Variants in GRIK3 observed in about 807,000 individuals in gnomAD.
The protein encoded by GRIK3 is glutamate ionotropic receptor kainate type subunit 3, also known as glutamate receptor ionotropic, kainate 3.
Under a neutral mutation model 102.5 loss-of-function variants are expected in GRIK3, and 29 were observed. That is an observed-to-expected ratio of 0.28 (90% confidence interval 0.21 to 0.39). GRIK3 has a LOEUF of 0.39. Ranked by LOEUF, GRIK3 falls within the 10% of genes least tolerant of loss-of-function variation. The pLI is 1.00. For synonymous variants in GRIK3, 511 were observed against 504.9 expected (o/e 1.01, Z -0.16); for missense variants, 908 against 1,252.4 (o/e 0.73, Z 4.15).
intron 1 of GRIK3, among the ~76,000 whole-genome samples, chr1:37,031,072 G>A (rs951408686): frequency 2.0e-5 from 3 of 152,120 alleles, no homozygotes; most frequent in African/African-American, 7.2e-5. Context: ...GAGAATCTAT[G>A]CATTAAACTG....
chr1:37,011,768 A>C (rs771114705), intron 1 of GRIK3, among the ~76,000 whole-genome samples: 1 of 152,218 alleles, frequency 6.6e-6, no homozygotes, highest in African/African-American at 2.4e-5. Flanking sequence ...AGTGAATTTC[A>C]GGGAAGACCA....
intron 1 of GRIK3, among the ~76,000 whole-genome samples, chr1:37,004,185 G>A (rs183302994): frequency 3.9e-5 from 6 of 152,058 alleles, no homozygotes; most frequent in African/African-American, 9.7e-5. Context: ...CTTCTGTTTC[G>A]ATCTAATCCC....
At position 36,800,482 on chromosome 1, in the gene GRIK3, C is replaced by T. The variant is rs573334681; in HGVS notation, c.*1369G>A. 1 of 152,492 alleles carries T rather than the reference C, an allele frequency of 6.6e-6. No homozygotes were observed. The highest frequency in any genetic ancestry group is 2.1e-4 in the South Asian group (1 of 4,830). The allele number at this position is 152,492 out of a possible 1,614,324, so 9.4% of individuals were successfully genotyped here. A position where few individuals can be genotyped will look rare whatever the true frequency, so the allele number is the denominator to read the frequency against. ...CTGGCTGGTACCCAACCTGCTGCTA[C>T]TTCTCTGCTGTCTTCCCCAAGCCCC... On this transcript the variant is annotated 3_prime_UTR_variant, in exon 16 of 16. Transcript: ENST00000373091.
At chr1:36,966,303 C>A (rs1372086550) in intron 1 of GRIK3, among the ~76,000 whole-genome samples, 1 of 152,204 alleles carries the variant, frequency 6.6e-6, no homozygotes, top group East Asian at 1.9e-4. Context: ...GGCTATCAGG[C>A]AAGTGTCAGA....
intron 1 of GRIK3, among the ~76,000 whole-genome samples, chr1:36,970,360 G>A (rs183051226): frequency 2.6e-5 from 4 of 152,224 alleles, no homozygotes; most frequent in East Asian, 1.9e-4. Context: ...CTTAAACACC[G>A]GAGTCTGATA....
Position 36,879,886 on chromosome 1 carries a change from G to A in GRIK3, c.550+748C>T, listed in dbSNP as rs142267109. Among the ~76,000 whole-genome samples, 247 of 152,350 alleles carry A rather than the reference G, an allele frequency of 1.6e-3. 3 individuals carry two copies. In the East Asian group the frequency reaches 0.037, roughly 23 times the overall value. ...AGACAACAGCCTGGTGCTGACGTCTGCAAGCTTGGCACTGGCTGGGGTCAG... is the reference window on the plus strand; with the variant it reads ...AGACAACAGCCTGGTGCTGACGTCTACAAGCTTGGCACTGGCTGGGGTCAG... On this transcript the variant is annotated intron_variant, in intron 3 of 15. Coordinates refer to ENST00000373091, the MANE Select transcript of GRIK3 (RefSeq NM_000831.4).
intron 2 of GRIK3, among the ~76,000 whole-genome samples, chr1:36,886,675 A>C (rs373015504): frequency 6.6e-6 from 1 of 152,238 alleles, no homozygotes; most frequent in East Asian, 1.9e-4. Context: ...AAATATAGTA[A>C]AGTGCATTAA....
At chr1:36,878,003 G>A (rs553268851) in intron 3 of GRIK3, among the ~76,000 whole-genome samples, 9 of 152,276 alleles carry the variant, frequency 5.9e-5, no homozygotes, top group African/African-American at 2.2e-4. Flanking sequence ...TTCTTCACCC[G>A]TATACTCTTT....
rs183042704 is a variant in GRIK3 at position 36,806,074 on chromosome 1, C to T, written c.2314+30G>A. The T allele has an allele frequency of 2.5e-4, 376 of 1,528,800 alleles. 4 individuals carry two copies. The East Asian group carries it at 8.3e-3, about 34-fold the overall frequency. The allele number at this position is 1,528,800 out of a possible 1,614,324, so 94.7% of individuals were successfully genotyped here. On this transcript the variant is annotated intron_variant, in intron 14 of 15. Coordinates refer to ENST00000373091, the MANE Select transcript of GRIK3 (RefSeq NM_000831.4). This position sits in a 1 kb window ranked among gnomAD's most constrained non-coding sequence, Gnocchi z 4.0. ...GGAGCCCTCCCTCTGCCCACACACC[C>T]ACCCCTCCCACAGGCAGCCCCTCGC...
At chr1:36,996,860 G>C (rs997483907) in intron 1 of GRIK3, among the ~76,000 whole-genome samples, 1 of 152,196 alleles carries the variant, frequency 6.6e-6, no homozygotes, top group Non-Finnish European at 1.5e-5. Context: ...GCTCTCAATC[G>C]GGGATGATTC....
intron 2 of GRIK3, among the ~76,000 whole-genome samples, chr1:36,888,364 G>C (rs1161853969): frequency 1.3e-5 from 2 of 152,226 alleles, no homozygotes; most frequent in African/African-American, 4.8e-5. Flanking sequence ...AGTCAGAACG[G>C]TGGTGACCTT....
chr1:36,928,181 A>T (rs1309806022), intron 1 of GRIK3, among the ~76,000 whole-genome samples: 1 of 152,162 alleles, frequency 6.6e-6, no homozygotes, highest in East Asian at 1.9e-4. Context: ...GGGGTGAGGA[A>T]GGGAAGAGGT....
At chr1:36,965,041 G>A (rs1205888706) in intron 1 of GRIK3, among the ~76,000 whole-genome samples, 2 of 152,170 alleles carry the variant, frequency 1.3e-5, no homozygotes, top group Non-Finnish European at 2.9e-5. Context: ...TAAATCCAAG[G>A]GGCCCAGTGC....
chr1:36,813,647 G>A (rs1642588035), intron 13 of GRIK3, among the ~76,000 whole-genome samples: 1 of 152,128 alleles, frequency 6.6e-6, no homozygotes, highest in African/African-American at 2.4e-5. Context: ...CTAACCAGAA[G>A]GCTATCACCT....
At position 36,806,787 on chromosome 1, in the gene GRIK3, G is replaced by A. The variant is rs1642506226; in HGVS notation, c.2092-461C>T. Reference sequence around the variant, plus strand: ...AAGTCACTTGCCTAAGTTTACCCAGGTACTAAGTAGCAAAGCCAGGCTTCA... The same window carrying A: ...AAGTCACTTGCCTAAGTTTACCCAGATACTAAGTAGCAAAGCCAGGCTTCA... On this transcript the variant is annotated intron_variant, in intron 13 of 15. Transcript: ENST00000373091. The surrounding 1 kb of genome is among the most constrained non-coding windows in gnomAD (Gnocchi z 4.0). Among the ~76,000 whole-genome samples the A allele has an allele frequency of 6.6e-6, 1 of 152,120 alleles. No homozygotes were observed. The highest frequency in any genetic ancestry group is 2.4e-5 in the African/African-American group (1 of 41,412).
intron 1 of GRIK3, among the ~76,000 whole-genome samples, chr1:36,971,336 C>A (rs990759931): frequency 6.6e-6 from 1 of 152,316 alleles, no homozygotes; most frequent in Non-Finnish European, 1.5e-5. Flanking sequence ...AAATGGAAGG[C>A]TGCCTTTGCC....
At chr1:36,972,887 G>C (rs899718442) in intron 1 of GRIK3, among the ~76,000 whole-genome samples, 3 of 152,206 alleles carry the variant, frequency 2.0e-5, no homozygotes, top group Non-Finnish European at 4.4e-5. Context: ...TCTGTGTCCA[G>C]AGGAGGATTC....
intron 1 of GRIK3, among the ~76,000 whole-genome samples, chr1:36,905,511 C>T (rs1217286066): frequency 6.6e-6 from 1 of 151,026 alleles, no homozygotes; most frequent in Admixed American, 6.6e-5. Context: ...AAAAACAAAG[C>T]TTTAGCGAAA....
chr1:36,887,477 C>T (rs9426045), intron 2 of GRIK3, among the ~76,000 whole-genome samples: 3,108 of 152,054 alleles, frequency 0.02, 105 homozygotes, highest in East Asian at 0.11. Context: ...AGAATATAGG[C>T]GGGGCGTGGT....
Sources: gnomAD v4.1 joint callset for allele counts (sites outside exome capture counted in the v4.1 genomes callset) on GRCh38, gnomAD v4.1.1 for gene constraint, Gnocchi (gnomAD v3.1) non-coding constraint, MANE v1.5 for transcripts, NCBI Gene and HGNC (gene_info 2026-07-23, HGNC 2026-07-21) for gene names.